The following JAM3 variants were observed in gnomAD, a reference collection of about 807,000 sequenced individuals.
JAM3 encodes junctional adhesion molecule 3.
Under a neutral mutation model 39.4 loss-of-function variants are expected in JAM3, and 31 were observed. That is an observed-to-expected ratio of 0.79 (90% CI 0.59 to 1.06). The LOEUF (loss-of-function observed/expected upper bound fraction) is 1.06. Ranked by LOEUF, JAM3 falls within the 50% of genes least tolerant of loss-of-function variation. The pLI is 0.00. For synonymous variants in JAM3, 182 were observed against 148.7 expected, an observed-to-expected ratio of 1.22 and a Z score of -1.63; for missense variants, 455 against 391.4, an observed-to-expected ratio of 1.16 and a Z score of -1.37.
intron 1 of JAM3, among the ~76,000 whole-genome samples, chr11:134,082,362 T>G (rs553733576): frequency 1.6e-4 from 25 of 152,128 alleles, no homozygotes; most frequent in Non-Finnish European, 3.5e-4. Flanking sequence ...TTTTGAAATG[T>G]GAGGACATGA....
At chr11:134,148,955 AACACACAC>A (rs368934602) in intron 8 of JAM3, 137 bp downstream of exon 8, 21,868 of 689,174 alleles carry the variant, frequency 0.032, 159 homozygotes, top group South Asian at 0.063. Context: ...CCTTCACAGT[AACACACAC>A]ACACACACAC....
chr11:134,117,220 A>G (rs961129885), intron 1 of JAM3, among the ~76,000 whole-genome samples: 2 of 152,030 alleles, frequency 1.3e-5, no homozygotes, highest in Non-Finnish European at 2.9e-5. Context: ...AAAATAAAAT[A>G]AAATAAAATA....
chr11:134,147,474 A>C (rs533342074), intron 6 of JAM3, among the ~76,000 whole-genome samples: 2 of 150,938 alleles, frequency 1.3e-5, no homozygotes, highest in African/African-American at 4.9e-5. Context: ...AAAAAAAAAA[A>C]AAAACGATTG....
chr11:134,096,781 T>C lies in JAM3; in HGVS notation c.76+27622T>C, dbSNP rs1941992542. On this transcript the variant is annotated intron_variant, in intron 1 of 8. Transcript: ENST00000299106. ...TTAATGAGTAATGAACACGATTGGA[T>C]TCTTCTTTCCTTGGGTAGATACTGG... Among the ~76,000 whole-genome samples the C allele has an allele frequency of 2.0e-5, 3 of 152,228 alleles. No individual in the cohort carries two copies. In the South Asian group the frequency reaches 6.2e-4, roughly 32 times the overall value.
intron 3 of JAM3, among the ~76,000 whole-genome samples, chr11:134,143,007 T>G (rs1943003948): frequency 6.6e-6 from 1 of 152,224 alleles, no homozygotes; most frequent in African/African-American, 2.4e-5. Context: ...TGATGGACAT[T>G]TGGGTTGTTT....
At chr11:134,085,181 G>A (rs894020735) in intron 1 of JAM3, among the ~76,000 whole-genome samples, 6 of 152,188 alleles carry the variant, frequency 3.9e-5, no homozygotes, top group African/African-American at 7.2e-5. Flanking sequence ...TCATGTCAAA[G>A]GGTATTTAGG....
chr11:134,128,321 C>T (rs1490005928), intron 1 of JAM3, among the ~76,000 whole-genome samples: 1 of 152,200 alleles, frequency 6.6e-6, no homozygotes, highest in South Asian at 2.1e-4. Flanking sequence ...TCACCTCTCT[C>T]TGAGCTGGGA....
chr11:134,136,711 C>T (rs1027055984), intron 1 of JAM3, among the ~76,000 whole-genome samples: 2 of 152,122 alleles, frequency 1.3e-5, no homozygotes, highest in African/African-American at 4.8e-5. Context: ...TAAAAAGCTA[C>T]CTGTATTTAA....
chr11:134,095,628 A>C (rs1286334083), intron 1 of JAM3, among the ~76,000 whole-genome samples: 6 of 50,028 alleles, frequency 1.2e-4, no homozygotes, highest in Non-Finnish European at 1.1e-4. Context: ...AGACTCTGTC[A>C]AAAAAAAAAA....
intron 1 of JAM3, among the ~76,000 whole-genome samples, chr11:134,083,914 T>A (rs140266113): frequency 6.6e-6 from 1 of 152,348 alleles, no homozygotes; most frequent in East Asian, 1.9e-4. Flanking sequence ...TCTTTGCATC[T>A]GCCCTTTCAT....
At chr11:134,104,086 A>G (rs1942132721) in intron 1 of JAM3, among the ~76,000 whole-genome samples, 1 of 152,246 alleles carries the variant, frequency 6.6e-6, no homozygotes, top group African/African-American at 2.4e-5. Context: ...CACTTATTCC[A>G]AAATTGACCA....
intron 1 of JAM3, chr11:134,124,285 G>A (rs1224902444): frequency 1.8e-5 from 17 of 923,238 alleles, no homozygotes; most frequent in Admixed American, 5.1e-5. Context: ...ACAAGAAAAC[G>A]CATGTTCTCA....
At chr11:134,119,244 G>C (rs1027589815) in intron 1 of JAM3, among the ~76,000 whole-genome samples, 1 of 152,026 alleles carries the variant, frequency 6.6e-6, no homozygotes, top group South Asian at 2.1e-4. Flanking sequence ...TTGGTGGTTT[G>C]GGTTTGGAAA....
At chr11:134,107,776 T>C (rs1942224413) in intron 1 of JAM3, among the ~76,000 whole-genome samples, 1 of 152,088 alleles carries the variant, frequency 6.6e-6, no homozygotes, top group Non-Finnish European at 1.5e-5. Flanking sequence ...GGCAGGAGAA[T>C]TGCTTGGTCC....
At position 134,144,916 on chromosome 11, in the gene JAM3, A is replaced by T. The variant is rs1276251907; in HGVS notation, c.534A>T (p.Val178=). The part of the protein sequence containing the change: ...RPHYSWYRND[V]PLPTDSRANP... ...ACTACAGCTGGTATCGCAATGATGTACCACTGCCCACGGATTCCAGAGCCA... is the reference window on the plus strand; with the variant it reads ...ACTACAGCTGGTATCGCAATGATGTTCCACTGCCCACGGATTCCAGAGCCA... The change falls in exon 5 of 9, where the codon GTA becomes GTT. Residue 178 remains valine (V), a synonymous_variant. Coordinates refer to ENST00000299106, the MANE Select transcript of JAM3 (RefSeq NM_032801.5). 4 of 1,614,056 alleles carry T rather than the reference A, an allele frequency of 2.5e-6. No homozygotes were observed. The highest frequency in any genetic ancestry group is 2.7e-5 in the African/African-American group (2 of 74,922).
chr11:134,150,698 T>C lies in JAM3; in HGVS notation c.*1517T>C, dbSNP rs1943195515. 6.6e-6 allele frequency: 1 copy of C among 152,120 alleles called. No homozygotes were observed. The highest frequency in any genetic ancestry group is 2.1e-4 in the South Asian group (1 of 4,820). 9.4% of individuals were successfully genotyped at this position (152,120 alleles called of 1,614,324 possible). ...TAAGATTGTCTAAGGCCAAAGGCAA[T>C]TGCGAAATCAAGTCTGTCAAGTACA... On this transcript the variant is annotated 3_prime_UTR_variant, in exon 9 of 9. Transcript: ENST00000299106.
intron 1 of JAM3, among the ~76,000 whole-genome samples, chr11:134,091,217 T>C (rs953420851): frequency 1.3e-5 from 2 of 152,076 alleles, no homozygotes; most frequent in African/African-American, 4.8e-5. Context: ...AAATAAGGGC[T>C]GGGCGTGGTG....
intron 1 of JAM3, among the ~76,000 whole-genome samples, chr11:134,107,937 G>C (rs1028349118): frequency 6.6e-6 from 1 of 151,876 alleles, no homozygotes; most frequent in Non-Finnish European, 1.5e-5. Flanking sequence ...GCAGAATAAA[G>C]AAGATAATAA....
Position 134,148,802 on chromosome 11 carries a change from T to G in JAM3, c.881T>G (p.Ile294Ser), listed in dbSNP as rs1352777971. ...GGGAAACCAGATGGAGTTAACTACA[T>G]CCGCACTGACGAGGAGGTAATCATT... is the stretch of plus-strand genomic sequence containing the variant. Reference protein sequence around the residue: ...NPGKPDGVNYIRTDEEGDFRH... With the variant: ...NPGKPDGVNYSRTDEEGDFRH... Residue 294 changes from isoleucine (I) to serine (S), a missense_variant, in exon 8 of 9, where the codon ATC becomes AGC. Physicochemically the swap from Ile to Ser is moderately radical, Grantham distance 142. Transcript: ENST00000299106. 6.2e-7 allele frequency: 1 copy of G among 1,614,100 alleles called. No individual in the cohort carries two copies. The highest frequency in any genetic ancestry group is 1.7e-5 in the Admixed American group (1 of 60,012).
Sources: allele counts gnomAD v4.1 joint callset (sites outside exome capture counted in the v4.1 genomes callset), GRCh38; gene constraint gnomAD v4.1.1; transcripts MANE v1.5; gene names NCBI Gene and HGNC (gene_info 2026-07-23, HGNC 2026-07-21).